The following HDAC2 variants were observed in gnomAD, a reference collection of about 807,000 sequenced individuals.
The protein encoded by HDAC2 is YY1-associated factor 1.
Under a neutral mutation model 68.5 loss-of-function variants are expected in HDAC2, and 5 were observed. The observed-to-expected ratio is 0.07, with a 90% CI of 0.04 to 0.15. HDAC2 has a LOEUF of 0.15. Among genes scored for constraint, HDAC2 ranks in the 10% least tolerant of loss-of-function variants. HDAC2 has a pLI of 1.00. For missense variants in HDAC2, 291 were observed against 600.8 expected, an observed-to-expected ratio of 0.48 and a Z score of 5.39; for synonymous variants, 182 against 191.3, an observed-to-expected ratio of 0.95 and a Z score of 0.40.
chr6:113,946,375 G>A (rs1260772621), intron 8 of HDAC2: 3 of 345,096 alleles, frequency 8.7e-6, no homozygotes, highest in African/African-American at 2.1e-5. Context: ...ATTTTAGCAG[G>A]TGTCCCTGAT....
At position 113,970,931 on chromosome 6, in the gene HDAC2, A is replaced by C. The variant is rs1459902915; in HGVS notation, c.-23T>G. 1 of 1,551,404 alleles carries C rather than the reference A, an allele frequency of 6.4e-7. No individual in the cohort carries two copies. Among genetic ancestry groups the C allele is most frequent in the South Asian group, 1.2e-5 (1 of 84,326 alleles). On this transcript the variant is annotated 5_prime_UTR_variant, in exon 1 of 14. Coordinates refer to ENST00000519065, the MANE Select transcript of HDAC2 (RefSeq NM_001527.4). ...CATGGGCTCCCCGGCCACCGCCGCC[A>C]CCGGGCTCCTCCTCCTGCTGCTGCT...
intron 3 of HDAC2, chr6:113,956,963 T>A (rs1350541342): frequency 6.6e-6 from 2 of 302,656 alleles, no homozygotes; most frequent in Non-Finnish European, 1.2e-5. Flanking sequence ...GTTGTCTAAG[T>A]ACAACAATTC....
chr6:113,959,764 A>G, intron 2 of HDAC2, 142 bp downstream of exon 2: 1 of 573,660 alleles, frequency 1.7e-6, no homozygotes, highest in South Asian at 2.3e-5. Flanking sequence ...TCCTAAGAAT[A>G]AACGAAAAAA....
At chr6:113,952,492 A>T (rs939113511) in intron 6 of HDAC2, among the ~76,000 whole-genome samples, 1 of 152,256 alleles carries the variant, frequency 6.6e-6, no homozygotes, top group Non-Finnish European at 1.5e-5. Flanking sequence ...CTGTAATGAT[A>T]TACCACAGAT....
chr6:113,949,382 T>G, intron 6 of HDAC2, 122 bp from the exon 7 acceptor site: 2 of 653,340 alleles, frequency 3.1e-6, no homozygotes, highest in Non-Finnish European at 5.4e-6. Context: ...GAATTCATCT[T>G]AGAAGTTGAG....
intron 8 of HDAC2, chr6:113,947,442 A>C (rs1358995518): frequency 2.0e-5 from 3 of 152,182 alleles, no homozygotes; most frequent in African/African-American, 7.2e-5. Context: ...TAAGACTTGG[A>C]ATTACAAATA....
chr6:113,959,031 G>A (rs1226838080), intron 2 of HDAC2, among the ~76,000 whole-genome samples: 3 of 152,014 alleles, frequency 2.0e-5, no homozygotes, highest in Non-Finnish European at 4.4e-5. Context: ...GAAACAGTTC[G>A]AGTAAAAAGT....
In HDAC2 at chr6:113,953,257, C is replaced by T. The variant is rs764813875; in HGVS notation, c.639+20G>A. On this transcript the variant is annotated intron_variant, in intron 6 of 13. Coordinates refer to ENST00000519065, the MANE Select transcript of HDAC2 (RefSeq NM_001527.4). ...CTAGGTTCATCTCACAATATTTTTT[C>T]AGACAGAATTTAGTCTTACCCTCAA... 6.3e-7 allele frequency: 1 copy of T among 1,583,214 alleles called. No individual in the cohort carries two copies. Among genetic ancestry groups the T allele is most frequent in the Non-Finnish European group, 8.6e-7 (1 of 1,158,180 alleles).
In HDAC2 at chr6:113,934,307, C is replaced by T. The variant is rs953758558; in HGVS notation, c.*6751G>A. The stretch of plus-strand genomic sequence containing the variant: ...TTTGTGACATCAGACAGGTAAAAGA[C>T]GGAGTGCTGGAAAAGCATGTCAGCT... On this transcript the variant is annotated 3_prime_UTR_variant, in exon 14 of 14. Coordinates refer to ENST00000519065, the MANE Select transcript of HDAC2 (RefSeq NM_001527.4). 36 of 152,098 alleles carry T rather than the reference C, an allele frequency of 2.4e-4. No homozygotes were observed. The highest frequency in any genetic ancestry group is 7.5e-4 in the African/African-American group (31 of 41,404). 9.4% of individuals were successfully genotyped at this position (152,098 alleles called of 1,614,324 possible).
rs1471276411 is a variant in HDAC2 at position 113,971,100 on chromosome 6, C to G, written c.-192G>C. 3 of 1,547,314 alleles carry G rather than the reference C, an allele frequency of 1.9e-6. No individual in the cohort carries two copies. Among genetic ancestry groups the G allele is most frequent in the East Asian group, 2.4e-5 (1 of 40,972 alleles). On this transcript the variant is annotated 5_prime_UTR_variant, in exon 1 of 14. Coordinates refer to ENST00000519065, the MANE Select transcript of HDAC2 (RefSeq NM_001527.4). ...GCTCGGTACCACCCGGCAGAGGTGC[C>G]GAAAGCTCGGAATCGGAGGTGGCAG... is the stretch of plus-strand genomic sequence containing the variant.
rs1775958158 is a variant in HDAC2, at chr6:113,934,444, T to C, written c.*6614A>G. Reference sequence around the variant, plus strand: ...CTGGTGCTAGACCCATATATGTGATTTCCAGTGCATTGTTCTTTACTTGTT... The same window carrying C: ...CTGGTGCTAGACCCATATATGTGATCTCCAGTGCATTGTTCTTTACTTGTT... On this transcript the variant is annotated 3_prime_UTR_variant, in exon 14 of 14. Transcript: ENST00000519065. 6.6e-6 allele frequency: 1 copy of C among 152,238 alleles called. No individual in the cohort carries two copies. Among genetic ancestry groups the C allele is most frequent in the Admixed American group, 6.5e-5 (1 of 15,288 alleles). 9.4% of individuals were successfully genotyped at this position (152,238 alleles called of 1,614,324 possible).
intron 5 of HDAC2, 37 bp downstream of exon 5, chr6:113,955,974 CTT>C (rs758156258): frequency 6.8e-7 from 1 of 1,474,516 alleles, no homozygotes; most frequent in East Asian, 2.4e-5. Flanking sequence ...AATGAAAACA[CTT>C]TATCACTGAA....
Position 113,971,077 on chromosome 6 carries a change from T to C in HDAC2, c.-169A>G. On this transcript the variant is annotated 5_prime_UTR_variant, in exon 1 of 14. Coordinates refer to ENST00000519065, the MANE Select transcript of HDAC2 (RefSeq NM_001527.4). Reference sequence around the variant, plus strand: ...GGAGAGGAGGGGGCGCCGGGAAGGCTCGGTACCACCCGGCAGAGGTGCCGA... The same window carrying C: ...GGAGAGGAGGGGGCGCCGGGAAGGCCCGGTACCACCCGGCAGAGGTGCCGA... The C allele has an allele frequency of 6.4e-7, 1 of 1,552,378 alleles. No homozygotes were observed. The highest frequency in any genetic ancestry group is 1.4e-5 in the African/African-American group (1 of 73,358).
intron 2 of HDAC2, chr6:113,959,659 G>T: frequency 1.8e-5 from 4 of 224,210 alleles, no homozygotes; most frequent in Non-Finnish European, 2.6e-5. Flanking sequence ...ATACTGAGTT[G>T]TTCTCCAGAA....
rs911227460 is a variant in HDAC2, at chr6:113,935,731, A to G, written c.*5327T>C. The G allele has an allele frequency of 6.6e-6, 1 of 152,232 alleles. No homozygotes were observed. The highest frequency in any genetic ancestry group is 1.5e-5 in the Non-Finnish European group (1 of 68,034). 9.4% of individuals were successfully genotyped at this position (152,232 alleles called of 1,614,324 possible). A position where few individuals can be genotyped will look rare whatever the true frequency, so the allele number is the denominator to read the frequency against. Reference sequence around the variant, plus strand: ...TAGAGTAAAAACAATCTTAATAAAAAGAGCAAATAACAGAATCTAATCAAG... The same window carrying G: ...TAGAGTAAAAACAATCTTAATAAAAGGAGCAAATAACAGAATCTAATCAAG... On this transcript the variant is annotated 3_prime_UTR_variant, in exon 14 of 14. Coordinates refer to ENST00000519065, the MANE Select transcript of HDAC2 (RefSeq NM_001527.4).
intron 5 of HDAC2, 59 bp from the exon 6 acceptor site, chr6:113,953,477 C>T: frequency 9.8e-7 from 1 of 1,018,038 alleles, no homozygotes. Flanking sequence ...TGGGAAGAAG[C>T]ACCACAAATT....
rs1160253563 is a variant in HDAC2 at position 113,944,349 on chromosome 6, T to C, written c.1153A>G (p.Ile385Val). The C allele has an allele frequency of 1.9e-6, 3 of 1,612,978 alleles. No individual in the cohort carries two copies. Among genetic ancestry groups the C allele is most frequent in the South Asian group, 2.2e-5 (2 of 91,058 alleles). Residue 385 changes from isoleucine (I) to valine (V), a missense_variant, in exon 11 of 14, where the codon ATT becomes GTT. Ile to Val is a conservative substitution (Grantham distance 29). This residue lies in a region of HDAC2 where 137 missense variants were observed against 128.7 expected (regional missense o/e 1.06). Coordinates refer to ENST00000519065, the MANE Select transcript of HDAC2 (RefSeq NM_001527.4). ...PHAPGVQMQA[I>V]PEDAVHEDSG... is the part of the protein sequence containing the mutation. The stretch of plus-strand genomic sequence containing the variant: ...TCTTCATGAACAGCATCTTCTGGAA[T>C]AGCTTGCATCTGGACACCAGGTGCA...
chr6:113,945,297 C>A (rs1039017066), intron 10 of HDAC2, 65 bp downstream of exon 10: 3 of 796,946 alleles, frequency 3.8e-6, no homozygotes, highest in Non-Finnish European at 6.4e-6. Flanking sequence ...ATACTTGGCC[C>A]TTTAAAGCAT....
In HDAC2 at chr6:113,938,672, G is replaced by A. The variant is rs1326463251; in HGVS notation, c.*2386C>T. On this transcript the variant is annotated 3_prime_UTR_variant, in exon 14 of 14. Coordinates refer to ENST00000519065, the MANE Select transcript of HDAC2 (RefSeq NM_001527.4). ...TTTTATCCTATATGAATTTTTTAAA[G>A]TATTAGGGTATTCTGACATCTTACT... is the stretch of plus-strand genomic sequence containing the variant. 1.3e-5 allele frequency: 2 copies of A among 152,084 alleles called. No individual in the cohort carries two copies. The highest frequency in any genetic ancestry group is 3.8e-4 in the East Asian group (2 of 5,198). The allele number at this position is 152,084 out of a possible 1,614,324, so 9.4% of individuals were successfully genotyped here. A position where few individuals can be genotyped will look rare whatever the true frequency, so the allele number is the denominator to read the frequency against.
Sources: allele counts gnomAD v4.1 joint callset (sites outside exome capture counted in the v4.1 genomes callset), GRCh38; gene constraint gnomAD v4.1.1; regional missense constraint gnomAD v4.1.1; transcripts MANE v1.5; gene names NCBI Gene and HGNC (gene_info 2026-07-23, HGNC 2026-07-21).